ENTREP2: variants seen among roughly 807,000 people sequenced by gnomAD.
ENTREP2 encodes the protein protein ENTREP2.
chr15:29,334,590 G>A, the ENTREP2 span, among the ~76,000 whole-genome samples: 95,425 of 151,908 alleles, frequency 0.63, 33,451 homozygotes, highest in Non-Finnish European at 0.77. Flanking sequence ...TTGACTGAGC[G>A]TATTAAAATA....
chr15:29,308,724 AC>A, the ENTREP2 span, among the ~76,000 whole-genome samples: 3 of 152,180 alleles, frequency 2.0e-5, no homozygotes, highest in African/African-American at 7.2e-5. Context: ...TGTTCAGAAT[AC>A]CCAACCCCAA....
chr15:29,637,341 T>G, the ENTREP2 span, among the ~76,000 whole-genome samples: 3 of 152,196 alleles, frequency 2.0e-5, no homozygotes, highest in African/African-American at 7.2e-5. Context: ...AAGGTAAAGA[T>G]GAGCACTGGG....
At chr15:29,574,029 A>G in the ENTREP2 span, among the ~76,000 whole-genome samples, 2 of 152,126 alleles carry the variant, frequency 1.3e-5, no homozygotes, top group East Asian at 3.9e-4. Flanking sequence ...AATGAAAGGG[A>G]AGGGAGGAAA....
At chr15:29,341,121 A>T in the ENTREP2 span, among the ~76,000 whole-genome samples, 1 of 152,168 alleles carries the variant, frequency 6.6e-6, no homozygotes, top group Non-Finnish European at 1.5e-5. Flanking sequence ...TCCCAAGGAG[A>T]GGCCAGGTGC....
At chr15:29,207,288 C>G in the ENTREP2 span, among the ~76,000 whole-genome samples, 62,048 of 151,976 alleles carry the variant, frequency 0.41, 13,309 homozygotes, top group East Asian at 0.58. Context: ...CCGTGGCTTC[C>G]TGGTCTCACC....
At chr15:29,576,124 A>G in the ENTREP2 span, among the ~76,000 whole-genome samples, 3 of 152,266 alleles carry the variant, frequency 2.0e-5, no homozygotes, top group African/African-American at 7.2e-5. Context: ...TACTGGCATA[A>G]GAGTAGACAT....
chr15:29,498,193 G>A, the ENTREP2 span, among the ~76,000 whole-genome samples: 1,847 of 152,142 alleles, frequency 0.012, 17 homozygotes, highest in Non-Finnish European at 0.018. Flanking sequence ...TGCTATGATC[G>A]TTAAGTTTCT....
chr15:29,420,582 C>A, the ENTREP2 span, among the ~76,000 whole-genome samples: 1 of 152,106 alleles, frequency 6.6e-6, no homozygotes, highest in Non-Finnish European at 1.5e-5. Context: ...AAAAATTAGA[C>A]GTGTAAAAAT....
At chr15:29,577,213 G>A in the ENTREP2 span, among the ~76,000 whole-genome samples, 2 of 152,042 alleles carry the variant, frequency 1.3e-5, no homozygotes, top group African/African-American at 2.4e-5. Context: ...GTAAAATGGT[G>A]CAGCCACTGT....
the ENTREP2 span, among the ~76,000 whole-genome samples, chr15:29,435,709 A>ATG: frequency 2.7e-3 from 407 of 150,796 alleles, no homozygotes; most frequent in African/African-American, 4.7e-3. Flanking sequence ...TATATACAAT[A>ATG]TGTGTGTGTG....
the ENTREP2 span, among the ~76,000 whole-genome samples, chr15:29,345,162 T>A: frequency 6.6e-6 from 1 of 152,182 alleles, no homozygotes. Flanking sequence ...TACTAAATGC[T>A]GGCTCCTCCT....
chr15:29,392,472 G>A, the ENTREP2 span, among the ~76,000 whole-genome samples: 3 of 150,912 alleles, frequency 2.0e-5, no homozygotes, highest in South Asian at 2.1e-4. Context: ...AAATAGTTAC[G>A]CTGGAAACAC....
the ENTREP2 span, among the ~76,000 whole-genome samples, chr15:29,214,352 T>C: frequency 2.0e-5 from 3 of 152,144 alleles, no homozygotes; most frequent in African/African-American, 7.2e-5. Flanking sequence ...TGCAATACTA[T>C]GCAGCCATAA....
At chr15:29,413,622 C>T in the ENTREP2 span, among the ~76,000 whole-genome samples, 1 of 152,290 alleles carries the variant, frequency 6.6e-6, no homozygotes, top group South Asian at 2.1e-4. Flanking sequence ...AGGGTTCATT[C>T]ATCACAACCC....
chr15:29,584,526 T>C, the ENTREP2 span, among the ~76,000 whole-genome samples: 1 of 151,998 alleles, frequency 6.6e-6, no homozygotes, highest in Non-Finnish European at 1.5e-5. Flanking sequence ...ACAACATATA[T>C]GAACACAGAA....
At chr15:29,252,473 G>C in the ENTREP2 span, 8 of 1,540,946 alleles carry the variant, frequency 5.2e-6, no homozygotes, top group African/African-American at 8.2e-5. Context: ...GCATGAAAAA[G>C]GTTATCTGGA....
the ENTREP2 span, among the ~76,000 whole-genome samples, chr15:29,650,307 T>C: frequency 6.6e-6 from 1 of 152,118 alleles, no homozygotes; most frequent in Non-Finnish European, 1.5e-5. Context: ...TCGTCAAAAA[T>C]CTAGGCCACA....
At chr15:29,388,450 T>G in the ENTREP2 span, among the ~76,000 whole-genome samples, 1 of 152,126 alleles carries the variant, frequency 6.6e-6, no homozygotes, top group Non-Finnish European at 1.5e-5. Flanking sequence ...TGGCCATAAT[T>G]AAAAAGTCAG....
the ENTREP2 span, among the ~76,000 whole-genome samples, chr15:29,482,677 C>A: frequency 6.6e-6 from 1 of 152,132 alleles, no homozygotes; most frequent in Non-Finnish European, 1.5e-5. Flanking sequence ...TAGCTCATTT[C>A]TTTTTAGTGC....
Sources: gnomAD v4.1 joint callset for allele counts (sites outside exome capture counted in the v4.1 genomes callset) on GRCh38, gnomAD v4.1.1 for gene constraint, MANE v1.5 for transcripts, NCBI Gene and HGNC (gene_info 2026-07-23, HGNC 2026-07-21) for gene names.